The following MCOLN2 variants were observed in gnomAD, a reference collection of about 807,000 sequenced individuals.
MCOLN2 encodes the protein mucolipin TRP cation channel 2, also known as mucolipin-2.
A neutral mutation model predicts 67.5 loss-of-function variants in MCOLN2; 57 were observed. That is an observed-to-expected ratio of 0.84 (90% confidence interval 0.68 to 1.05). MCOLN2 has a LOEUF of 1.05. Among genes scored for constraint, MCOLN2 ranks in the 50% least tolerant of loss-of-function variants. The probability of loss-of-function intolerance (pLI) is 0.00; values close to 1 mark genes in which losing one functional copy is unlikely to be tolerated. For missense variants in MCOLN2, 620 were observed against 678.8 expected (o/e 0.91, Z 0.96); for synonymous variants, 246 against 233.3 (o/e 1.05, Z -0.50).
intron 1 of MCOLN2, among the ~76,000 whole-genome samples, chr1:84,990,345 C>T (rs979022148): frequency 5.8e-5 from 8 of 137,378 alleles, no homozygotes; most frequent in South Asian, 2.3e-4. Context: ...TGCTAAATGA[C>T]GAGTTAATGG....
chr1:84,943,321 A>G (rs1360337488), intron 7 of MCOLN2, among the ~76,000 whole-genome samples: 1 of 152,184 alleles, frequency 6.6e-6, no homozygotes, highest in African/African-American at 2.4e-5. Flanking sequence ...TACTCTGGAT[A>G]TTCATGACAA....
intron 12 of MCOLN2, 75 bp from the exon 13 acceptor site, chr1:84,929,754 C>T: frequency 1.4e-6 from 2 of 1,467,252 alleles, no homozygotes; most frequent in Non-Finnish European, 1.9e-6. Context: ...AAACCAAGCC[C>T]ACCTTTGCTA....
In MCOLN2 at chr1:84,926,463, C is replaced by T. The variant is rs1482898659; in HGVS notation, c.*222G>A. ...ATTTTATTATCGCTGTTATATTGCA[C>T]TAATGCCCAGTAGTAGCCCATGGTC... is the stretch of plus-strand genomic sequence containing the variant. On this transcript the variant is annotated 3_prime_UTR_variant, in exon 14 of 14. Coordinates refer to ENST00000370608, the MANE Select transcript of MCOLN2 (RefSeq NM_153259.4). 2.6e-6 allele frequency: 1 copy of T among 390,504 alleles called. No homozygotes were observed. Among genetic ancestry groups the T allele is most frequent in the Non-Finnish European group, 4.6e-6 (1 of 218,896 alleles). The allele number at this position is 390,504 out of a possible 1,614,324, so 24.2% of individuals were successfully genotyped here. A position where few individuals can be genotyped will look rare whatever the true frequency, so the allele number is the denominator to read the frequency against.
chr1:84,943,516 G>A (rs1324323634), intron 7 of MCOLN2, among the ~76,000 whole-genome samples: 2 of 152,158 alleles, frequency 1.3e-5, no homozygotes, highest in African/African-American at 4.8e-5. Context: ...GCGACCCTCA[G>A]AGAACAGACT....
chr1:84,971,654 A>G (rs933855917), intron 1 of MCOLN2, among the ~76,000 whole-genome samples: 4 of 152,208 alleles, frequency 2.6e-5, no homozygotes, highest in Non-Finnish European at 1.5e-5. Context: ...TATCATAGAA[A>G]TAAAACACTC....
At chr1:84,985,914 C>A (rs1650483257) in intron 1 of MCOLN2, among the ~76,000 whole-genome samples, 1 of 152,044 alleles carries the variant, frequency 6.6e-6, no homozygotes, top group African/African-American at 2.4e-5. Context: ...AATACCACCA[C>A]CATTCTTCAC....
intron 1 of MCOLN2, among the ~76,000 whole-genome samples, chr1:84,988,872 C>T (rs1650743997): frequency 6.6e-6 from 1 of 152,080 alleles, no homozygotes; most frequent in Admixed American, 6.6e-5. Flanking sequence ...GTGGACAGTC[C>T]CCGCTCTGCA....
chr1:84,960,903 C>T (rs1486932307), intron 2 of MCOLN2, among the ~76,000 whole-genome samples: 11 of 152,064 alleles, frequency 7.2e-5, no homozygotes, highest in African/African-American at 2.4e-5. Flanking sequence ...CTGCATGGTA[C>T]GGAATAACAA....
At chr1:84,942,506 A>ATT (rs764728203) in intron 7 of MCOLN2, among the ~76,000 whole-genome samples, 1 of 152,240 alleles carries the variant, frequency 6.6e-6, no homozygotes, top group Non-Finnish European at 1.5e-5. Flanking sequence ...AAGTTCATAT[A>ATT]CAAAGAGCCC....
Position 84,956,598 on chromosome 1 carries a change from G to C in MCOLN2, c.412-14C>G, listed in dbSNP as rs1335302222. 1 of 1,567,664 alleles carries C rather than the reference G, an allele frequency of 6.4e-7. No individual in the cohort carries two copies. The highest frequency in any genetic ancestry group is 8.6e-7 in the Non-Finnish European group (1 of 1,164,394). ...TAGCTGATGATACTATTAAAAAATA[G>C]TCAAGTAAAAACCACATATGACCTT... On this transcript the variant is annotated splice_polypyrimidine_tract_variant and intron_variant, in intron 3 of 13. Coordinates refer to ENST00000370608, the MANE Select transcript of MCOLN2 (RefSeq NM_153259.4).
intron 1 of MCOLN2, among the ~76,000 whole-genome samples, chr1:84,980,622 T>C (rs1334153781): frequency 6.6e-6 from 1 of 152,110 alleles, no homozygotes; most frequent in Non-Finnish European, 1.5e-5. Flanking sequence ...TGGATATCCA[T>C]ATGCAAAAGA....
intron 11 of MCOLN2, among the ~76,000 whole-genome samples, chr1:84,935,213 T>C (rs374932376): frequency 5.3e-5 from 8 of 152,256 alleles, no homozygotes; most frequent in Admixed American, 3.9e-4. Flanking sequence ...GAGGCAGCAA[T>C]ATGGTGAAGA....
intron 11 of MCOLN2, 67 bp downstream of exon 11, chr1:84,937,688 T>C: frequency 2.5e-6 from 4 of 1,594,170 alleles, no homozygotes; most frequent in Non-Finnish European, 3.4e-6. Context: ...AGCAAGTAAG[T>C]GCTAGAAACC....
At chr1:84,989,635 C>A (rs910368285) in intron 1 of MCOLN2, among the ~76,000 whole-genome samples, 4 of 151,736 alleles carry the variant, frequency 2.6e-5, no homozygotes, top group Non-Finnish European at 1.5e-5. Context: ...ATTTAACATG[C>A]CTTTTTAAGT....
intron 6 of MCOLN2, among the ~76,000 whole-genome samples, chr1:84,950,252 G>A (rs1159611917): frequency 6.6e-6 from 1 of 152,180 alleles, no homozygotes; most frequent in Non-Finnish European, 1.5e-5. Flanking sequence ...GATTGAAAGG[G>A]CTAATATGTG....
chr1:84,940,214 T>C (rs1333653826), intron 8 of MCOLN2, among the ~76,000 whole-genome samples: 1 of 152,130 alleles, frequency 6.6e-6, no homozygotes, highest in Non-Finnish European at 1.5e-5. Context: ...AAGGTGGATA[T>C]TTACAAAGGA....
rs1188921723 is a variant in MCOLN2, at chr1:84,938,057, C to T, written c.1136G>A (p.Ser379Asn). Residue 379 changes from serine (S) to asparagine (N), a missense_variant, in exon 10 of 14, where the codon AGC (serine) becomes AAC (asparagine). Ser to Asn is a conservative substitution (Grantham distance 46). Transcript: ENST00000370608. ...GAGCGTAGAGGTTCCAAGAAAAATG[C>T]TGCAGAGATCATAGTTTGTGAGATT... ...AKNLTNYDLCSIFLGTSTLLV... is the reference protein window; with the variant it reads ...AKNLTNYDLCNIFLGTSTLLV... 5 of 1,612,716 alleles carry T rather than the reference C, an allele frequency of 3.1e-6. No individual in the cohort carries two copies. The Admixed American group carries it at 6.7e-5, about 22-fold the overall frequency.
At chr1:84,981,392 T>C (rs570819333) in intron 1 of MCOLN2, among the ~76,000 whole-genome samples, 137 of 152,290 alleles carry the variant, frequency 9.0e-4, no homozygotes, top group Non-Finnish European at 9.6e-4. Flanking sequence ...ATAGCTAAGA[T>C]TTGGAAGCAA....
intron 1 of MCOLN2, among the ~76,000 whole-genome samples, chr1:84,996,211 TA>T (rs1651138378): frequency 6.6e-6 from 1 of 152,018 alleles, no homozygotes; most frequent in African/African-American, 2.4e-5. Context: ...TGGGGAGAAC[TA>T]CGTAGTTGGT....
Sources: gnomAD v4.1 joint callset for allele counts (sites outside exome capture counted in the v4.1 genomes callset) on GRCh38, gnomAD v4.1.1 for gene constraint, MANE v1.5 for transcripts, NCBI Gene and HGNC (gene_info 2026-07-23, HGNC 2026-07-21) for gene names.